VPS13B: variants seen among roughly 807,000 people sequenced by gnomAD.
VPS13B encodes vacuolar protein sorting 13 homolog B.
VPS13B carries 285 observed loss-of-function variants against 426.4 expected under a neutral mutation model. The observed-to-expected ratio is 0.67, with a 90% CI of 0.61 to 0.74. VPS13B has a LOEUF of 0.74. Ranked by LOEUF, VPS13B falls within the 30% of genes least tolerant of loss-of-function variation. The pLI is 0.00. For synonymous variants in VPS13B, 1,676 were observed against 1,676.4 expected, an observed-to-expected ratio of 1.00 and a Z score of 0.01; for missense variants, 4,537 against 4,782.6, an observed-to-expected ratio of 0.95 and a Z score of 1.51.
intron 30 of VPS13B, among the ~76,000 whole-genome samples, chr8:99,541,039 A>G (rs1004980280): frequency 1.3e-5 from 2 of 152,112 alleles, no homozygotes; most frequent in African/African-American, 4.8e-5. Flanking sequence ...TGTTGCCTCA[A>G]TTCTCCCTAT....
chr8:99,869,812 G>T (rs554419822), intron 59 of VPS13B, among the ~76,000 whole-genome samples: 67 of 152,300 alleles, frequency 4.4e-4, no homozygotes, highest in African/African-American at 1.6e-3. Context: ...CCGAACTGAA[G>T]GTTTTAAAAC....
chr8:99,454,286 G>A (rs1818343077), intron 23 of VPS13B, among the ~76,000 whole-genome samples: 1 of 152,096 alleles, frequency 6.6e-6, no homozygotes, highest in African/African-American at 2.4e-5. Flanking sequence ...CTGTTCTCAA[G>A]TAATCCTCCT....
At chr8:99,681,063 T>C (rs1588618002) in intron 35 of VPS13B, among the ~76,000 whole-genome samples, 1 of 152,370 alleles carries the variant, frequency 6.6e-6, no homozygotes, top group East Asian at 1.9e-4. Flanking sequence ...AATCTTCCTG[T>C]CATTATCAGA....
At position 99,178,967 on chromosome 8, in the gene VPS13B, T is replaced by TGATTAATAGC. The variant is rs201206360; in HGVS notation, c.2333+8805_2333+8814dup. On this transcript the variant is annotated intron_variant, in intron 16 of 61. Coordinates refer to ENST00000357162, the MANE Select transcript of VPS13B (RefSeq NM_152564.5). ...GATGTTGGAACTATTAATAGCATGTTGATTAATAGCTATTAATAGCAGGTT... is the reference window on the plus strand; with the variant it reads ...GATGTTGGAACTATTAATAGCATGTTGATTAATAGCGATTAATAGCTATTAATAGCAGGTT... Among the ~76,000 whole-genome samples the TGATTAATAGC allele has an allele frequency of 9.9e-3, 1,508 of 152,306 alleles. 33 individuals are homozygous for TGATTAATAGC. Among genetic ancestry groups the TGATTAATAGC allele is most frequent in the African/African-American group, 0.035 (1,445 of 41,558 alleles).
chr8:99,510,696 G>C (rs1386834589), intron 28 of VPS13B, among the ~76,000 whole-genome samples: 1 of 152,102 alleles, frequency 6.6e-6, no homozygotes, highest in Non-Finnish European at 1.5e-5. Context: ...ATTTTGAGTA[G>C]AGACGGGATT....
At chr8:99,623,681 G>C (rs1828465769) in intron 33 of VPS13B, among the ~76,000 whole-genome samples, 1 of 152,172 alleles carries the variant, frequency 6.6e-6, no homozygotes, top group South Asian at 2.1e-4. Context: ...TAAAACTACA[G>C]ATAGAAGTGG....
chr8:99,797,943 T>C (rs1287924584), intron 43 of VPS13B, among the ~76,000 whole-genome samples: 3 of 152,186 alleles, frequency 2.0e-5, no homozygotes, highest in Non-Finnish European at 4.4e-5. Flanking sequence ...AGTATCACCC[T>C]TATTGTTGTG....
At chr8:99,095,657 A>G (rs1353156999) in intron 3 of VPS13B, among the ~76,000 whole-genome samples, 1 of 152,208 alleles carries the variant, frequency 6.6e-6, no homozygotes. Flanking sequence ...TTTGGCATGT[A>G]AGAGTATTAT....
intron 47 of VPS13B, 116 bp from the exon 48 acceptor site, chr8:99,819,296 C>CTA (rs1814227923): frequency 8.1e-7 from 1 of 1,234,096 alleles, no homozygotes; most frequent in South Asian, 1.3e-5. Flanking sequence ...TAAATGGACT[C>CTA]TATCTACCAA....
At position 99,096,426 on chromosome 8, in the gene VPS13B, C is replaced by A; in HGVS notation, c.406C>A (p.Pro136Thr). 1 of 1,613,974 alleles carries A rather than the reference C, an allele frequency of 6.2e-7. No homozygotes were observed. Among genetic ancestry groups the A allele is most frequent in the Non-Finnish European group, 8.5e-7 (1 of 1,179,930 alleles). Residue 136 changes from proline to threonine, a missense_variant, in exon 4 of 62, where the codon CCA becomes ACA. Pro to Thr is a conservative substitution (Grantham distance 38, BLOSUM62 -1). Coordinates refer to ENST00000357162, the MANE Select transcript of VPS13B (RefSeq NM_152564.5). ...GGCTGCTCCTACAGATCCTGACTTA[C>A]CACCAGGTAACTTCTAATGGGATCA... ...QQAAPTDPDL[P>T]PGYVQSLIRR...
intron 23 of VPS13B, among the ~76,000 whole-genome samples, chr8:99,459,223 A>G (rs547254523): frequency 6.6e-6 from 1 of 152,296 alleles, no homozygotes; most frequent in South Asian, 2.1e-4. Flanking sequence ...CTATTAATAT[A>G]TATGCCAGTT....
chr8:99,048,600 T>G (rs902361234), intron 3 of VPS13B, among the ~76,000 whole-genome samples: 1 of 151,928 alleles, frequency 6.6e-6, no homozygotes, highest in Non-Finnish European at 1.5e-5. Context: ...GGATTACCAG[T>G]GGTCGGGAGT....
intron 29 of VPS13B, among the ~76,000 whole-genome samples, chr8:99,516,475 A>G (rs1822077685): frequency 1.3e-5 from 2 of 152,098 alleles, no homozygotes; most frequent in African/African-American, 4.8e-5. Flanking sequence ...TTTGAATAAG[A>G]TGATTATCAG....
At chr8:99,532,199 C>G (rs1260587515) in intron 30 of VPS13B, among the ~76,000 whole-genome samples, 1 of 152,086 alleles carries the variant, frequency 6.6e-6, no homozygotes, top group Non-Finnish European at 1.5e-5. Context: ...TTCCATAGCT[C>G]CTTTTTAAAC....
At chr8:99,692,163 G>A (rs1036007049) in intron 35 of VPS13B, among the ~76,000 whole-genome samples, 1 of 145,780 alleles carries the variant, frequency 6.9e-6, no homozygotes, top group African/African-American at 2.6e-5. Flanking sequence ...GGATACCCAG[G>A]AATTGAACTC....
At chr8:99,187,356 T>G (rs563641574) in intron 16 of VPS13B, among the ~76,000 whole-genome samples, 1 of 152,306 alleles carries the variant, frequency 6.6e-6, no homozygotes, top group Non-Finnish European at 1.5e-5. Context: ...ATATTCTAAA[T>G]GTTGGAAAAG....
rs182877520 is a variant in VPS13B, at chr8:99,575,667, G to A, written c.4959G>A (p.Arg1653=). The A allele has an allele frequency of 5.0e-6, 8 of 1,613,838 alleles. No individual in the cohort carries two copies. The South Asian group carries it at 5.5e-5, about 11-fold the overall frequency. The change falls in exon 32 of 62, where the codon CGG becomes CGA. Residue 1653 remains arginine (R), a synonymous_variant. Coordinates refer to ENST00000357162, the MANE Select transcript of VPS13B (RefSeq NM_152564.5). ...LEWNMASSIR[R]HQERRAILTP... ...TTACTCTATCTTTTAGCATACGGCGGCATCAAGAAAGGAGAGCAATTTTGA... is the reference window on the plus strand; with the variant it reads ...TTACTCTATCTTTTAGCATACGGCGACATCAAGAAAGGAGAGCAATTTTGA...
chr8:99,855,275 C>T (rs1816490052), intron 56 of VPS13B, among the ~76,000 whole-genome samples: 1 of 151,906 alleles, frequency 6.6e-6, no homozygotes. Flanking sequence ...CCAGCTACTA[C>T]TGAGGCTGAG....
At chr8:99,427,640 T>C (rs917844084) in intron 21 of VPS13B, among the ~76,000 whole-genome samples, 3 of 151,726 alleles carry the variant, frequency 2.0e-5, no homozygotes, top group African/African-American at 7.3e-5. Context: ...TAAAAGAGGA[T>C]ACAAACAAAT....
Sources: allele counts gnomAD v4.1 joint callset (sites outside exome capture counted in the v4.1 genomes callset), GRCh38; gene constraint gnomAD v4.1.1; transcripts MANE v1.5; gene names NCBI Gene and HGNC (gene_info 2026-07-23, HGNC 2026-07-21).